CDH20: variants seen among roughly 807,000 people sequenced by gnomAD.
CDH20 encodes cadherin-20.
CDH20 carries 29 observed loss-of-function variants against 74.2 expected under a neutral mutation model. The observed-to-expected ratio is 0.39, with a 90% CI of 0.29 to 0.53. The LOEUF (loss-of-function observed/expected upper bound fraction) is 0.53. CDH20 is among the 20% of genes least tolerant of loss of function. The pLI is 0.69. For synonymous variants in CDH20, 469 were observed against 405.4 expected (o/e 1.16, Z -1.88); for missense variants, 988 against 1,048.3 (o/e 0.94, Z 0.79).
At chr18:61,345,156 G>A (rs540178604) in intron 1 of CDH20, among the ~76,000 whole-genome samples, 7 of 152,206 alleles carry the variant, frequency 4.6e-5, no homozygotes, top group Admixed American at 3.3e-4. Context: ...TTGAGCAAAA[G>A]ATTTAAAACA....
chr18:61,393,128 A>T (rs901458533), intron 1 of CDH20, among the ~76,000 whole-genome samples: 9 of 152,114 alleles, frequency 5.9e-5, no homozygotes, highest in Non-Finnish European at 1.2e-4. Context: ...TTGATTCCAG[A>T]TTTCTTCTTC....
intron 1 of CDH20, among the ~76,000 whole-genome samples, chr18:61,378,921 T>C (rs1184188960): frequency 2.0e-5 from 3 of 152,130 alleles, no homozygotes; most frequent in Non-Finnish European, 4.4e-5. Context: ...ATAGAATATA[T>C]ACTGCAAGTG....
chr18:61,359,401 A>AAAAG (rs781687451), intron 1 of CDH20, among the ~76,000 whole-genome samples: 9 of 152,136 alleles, frequency 5.9e-5, no homozygotes, highest in Admixed American at 1.3e-4. Context: ...AATAAAATAA[A>AAAAG]AAAGAAAGAA....
At chr18:61,349,948 G>A (rs1910251973) in intron 1 of CDH20, among the ~76,000 whole-genome samples, 1 of 152,124 alleles carries the variant, frequency 6.6e-6, no homozygotes, top group African/African-American at 2.4e-5. Flanking sequence ...ATTAGCTAAT[G>A]TATTTGTTAC....
At chr18:61,507,171 T>C (rs761304753) in intron 5 of CDH20, among the ~76,000 whole-genome samples, 1 of 152,222 alleles carries the variant, frequency 6.6e-6, no homozygotes, top group Non-Finnish European at 1.5e-5. Context: ...CTCCTCCTTA[T>C]TGAACATCCA....
chr18:61,348,364 G>T (rs928821969), intron 1 of CDH20, among the ~76,000 whole-genome samples: 7 of 152,160 alleles, frequency 4.6e-5, no homozygotes, highest in Non-Finnish European at 1.0e-4. Context: ...CCAAGACTCT[G>T]ATGTTCTCCC....
chr18:61,545,853 A>G (rs1414216003), intron 10 of CDH20, among the ~76,000 whole-genome samples: 32 of 152,280 alleles, frequency 2.1e-4, no homozygotes, highest in Admixed American at 2.0e-3. Flanking sequence ...AGGGTTCCCT[A>G]TCCATAAACT....
intron 1 of CDH20, among the ~76,000 whole-genome samples, chr18:61,376,816 A>G (rs777247057): frequency 1.1e-4 from 17 of 152,098 alleles, no homozygotes; most frequent in Non-Finnish European, 4.4e-5. Context: ...AGCTTTCACA[A>G]GGTCAGGAAT....
intron 1 of CDH20, among the ~76,000 whole-genome samples, chr18:61,455,694 T>C (rs979824329): frequency 1.2e-4 from 19 of 152,204 alleles, no homozygotes; most frequent in African/African-American, 4.6e-4. Flanking sequence ...CCTAACAATA[T>C]TTTTGACTAC....
chr18:61,528,267 T>C, intron 7 of CDH20, 47 bp downstream of exon 7: 2 of 1,579,054 alleles, frequency 1.3e-6, no homozygotes, highest in Non-Finnish European at 1.7e-6. Flanking sequence ...GAATCTTCCC[T>C]TCCCTTGTAT....
chr18:61,510,564 A>G (rs1171834690), intron 6 of CDH20, among the ~76,000 whole-genome samples: 17 of 152,222 alleles, frequency 1.1e-4, no homozygotes, highest in Admixed American at 9.8e-4. Flanking sequence ...GAAGGGAATA[A>G]GGGACCAGTT....
chr18:61,504,099 T>C (rs1911478487), intron 5 of CDH20, among the ~76,000 whole-genome samples: 1 of 152,148 alleles, frequency 6.6e-6, no homozygotes. Flanking sequence ...CTCCTAAAAT[T>C]AAAACCTGCT....
At chr18:61,553,643 A>G (rs932114953) in intron 11 of CDH20, among the ~76,000 whole-genome samples, 11 of 152,354 alleles carry the variant, frequency 7.2e-5, no homozygotes, top group African/African-American at 2.4e-4. Context: ...GTATAAAAAG[A>G]CTACAACTTT....
chr18:61,381,037 C>G (rs11876970), intron 1 of CDH20, among the ~76,000 whole-genome samples: 112,265 of 152,056 alleles, frequency 0.74, 41,816 homozygotes, highest in East Asian at 0.98. Flanking sequence ...GTTCATCTAA[C>G]GACATAAATC....
chr18:61,501,051 G>A (rs1388729193), intron 4 of CDH20, among the ~76,000 whole-genome samples: 2 of 152,194 alleles, frequency 1.3e-5, no homozygotes, highest in Non-Finnish European at 2.9e-5. Context: ...GCACTCAGCA[G>A]AGAAGTCCAA....
chr18:61,515,225 G>A (rs531734094), intron 6 of CDH20, among the ~76,000 whole-genome samples: 197 of 152,214 alleles, frequency 1.3e-3, no homozygotes, highest in African/African-American at 4.3e-3. Context: ...TAAGCCCGTC[G>A]GAAAAGCGCA....
intron 1 of CDH20, among the ~76,000 whole-genome samples, chr18:61,381,721 A>T (rs985692656): frequency 1.3e-5 from 2 of 152,232 alleles, no homozygotes; most frequent in Non-Finnish European, 2.9e-5. Context: ...GTTGCTCATT[A>T]GGAACCTGTA....
intron 1 of CDH20, among the ~76,000 whole-genome samples, chr18:61,418,795 T>C (rs980780089): frequency 4.6e-5 from 7 of 152,146 alleles, no homozygotes; most frequent in African/African-American, 1.7e-4. Flanking sequence ...AGGAGCCCTT[T>C]GACTCACCCT....
chr18:61,338,880 T>A (rs1909844346), intron 1 of CDH20, among the ~76,000 whole-genome samples: 1 of 152,232 alleles, frequency 6.6e-6, no homozygotes, highest in Admixed American at 6.5e-5. Flanking sequence ...TTTATAGTTC[T>A]ACAACTCCTG....
Sources: gnomAD v4.1 joint callset for allele counts (sites outside exome capture counted in the v4.1 genomes callset) on GRCh38, gnomAD v4.1.1 for gene constraint, MANE v1.5 for transcripts, NCBI Gene and HGNC (gene_info 2026-07-23, HGNC 2026-07-21) for gene names.